Variants in CFDP1 observed in about 807,000 individuals in gnomAD.
CFDP1 encodes heterochromatin-stabilizing protein CFDP1.
A neutral mutation model predicts 40.1 loss-of-function variants in CFDP1; 31 were observed. That is an observed-to-expected ratio of 0.77 (90% CI 0.58 to 1.04). CFDP1 has a LOEUF of 1.04. Ranked by LOEUF, CFDP1 falls within the 50% of genes least tolerant of loss-of-function variation. The probability of loss-of-function intolerance (pLI) is 0.00; values close to 1 mark genes in which losing one functional copy is unlikely to be tolerated. For synonymous variants in CFDP1, 167 were observed against 120.0 expected, an observed-to-expected ratio of 1.39 and a Z score of -2.56; for missense variants, 423 against 343.4, an observed-to-expected ratio of 1.23 and a Z score of -1.83.
At chr16:75,370,629 G>A (rs1259193092) in intron 5 of CFDP1, among the ~76,000 whole-genome samples, 2 of 152,138 alleles carry the variant, frequency 1.3e-5, no homozygotes, top group African/African-American at 4.8e-5. Context: ...TTAGGAGGCT[G>A]AGGAGGGCGG....
chr16:75,390,993 A>G (rs2078944680), intron 5 of CFDP1, among the ~76,000 whole-genome samples: 1 of 152,252 alleles, frequency 6.6e-6, no homozygotes, highest in Non-Finnish European at 1.5e-5. Flanking sequence ...TGCAGATATC[A>G]TCTCAGCAGA....
chr16:75,419,961 G>C (rs538931846), intron 1 of CFDP1, among the ~76,000 whole-genome samples: 1 of 151,482 alleles, frequency 6.6e-6, no homozygotes, highest in Non-Finnish European at 1.5e-5. Flanking sequence ...GATTTCCCTC[G>C]AATTCTTTCT....
At chr16:75,413,510 G>T (rs2079180106) in intron 2 of CFDP1, among the ~76,000 whole-genome samples, 1 of 134,392 alleles carries the variant, frequency 7.4e-6, no homozygotes, top group African/African-American at 2.9e-5. Context: ...CAGAGATCAC[G>T]CCACTGCACT....
chr16:75,358,692 T>C (rs1288262182), intron 5 of CFDP1, among the ~76,000 whole-genome samples: 2 of 152,174 alleles, frequency 1.3e-5, no homozygotes, highest in Admixed American at 1.3e-4. Flanking sequence ...CATACTTAAG[T>C]ATTCGACAGA....
At chr16:75,343,313 TTC>T (rs2078539346) in intron 5 of CFDP1, among the ~76,000 whole-genome samples, 1 of 152,070 alleles carries the variant, frequency 6.6e-6, no homozygotes, top group Non-Finnish European at 1.5e-5. Flanking sequence ...CACATGCATG[TTC>T]TCTCTTGCTG....
rs748081401 is a variant in CFDP1, at chr16:75,346,582, C to CAAAAA, written c.651-41405_651-41401dup. Among the ~76,000 whole-genome samples the CAAAAA allele has an allele frequency of 6.2e-3, 370 of 59,318 alleles. 33 individuals are homozygous for CAAAAA. The highest frequency in any genetic ancestry group is 0.037 in the East Asian group (61 of 1,658). The allele number at this position is 59,318 out of a possible 152,430, so 38.9% of individuals were successfully genotyped here. ...TGGGTGACAGAGCAAGACTCTGTCT[C>CAAAAA]AAAAAAAAAAAAAAAAAAAAAAAAA... On this transcript the variant is annotated intron_variant, in intron 5 of 6. Coordinates refer to ENST00000283882, the MANE Select transcript of CFDP1 (RefSeq NM_006324.3).
At chr16:75,306,506 C>G (rs957060809) in intron 5 of CFDP1, 6 of 152,222 alleles carry the variant, frequency 3.9e-5, no homozygotes, top group African/African-American at 1.4e-4. Flanking sequence ...ATGTCAACTT[C>G]CCTGTTTGGG....
At chr16:75,301,564 TGGTAAAGAGACCGGGTC>T (rs2078222274) in intron 6 of CFDP1, among the ~76,000 whole-genome samples, 1 of 102,218 alleles carries the variant, frequency 9.8e-6, no homozygotes, top group Non-Finnish European at 2.0e-5. Context: ...TTTTTTTTTT[TGGTAAAGAGACCGGGTC>T]TTTCTCTGTT....
At chr16:75,377,303 A>G (rs751492758) in intron 5 of CFDP1, among the ~76,000 whole-genome samples, 1 of 152,252 alleles carries the variant, frequency 6.6e-6, no homozygotes, top group Non-Finnish European at 1.5e-5. Context: ...GAATAGATGA[A>G]TACATGAAGA....
At position 75,426,198 on chromosome 16, in the gene CFDP1, A is replaced by G. The variant is rs574390908; in HGVS notation, c.64+7091T>C. On this transcript the variant is annotated intron_variant, in intron 1 of 6. Coordinates refer to ENST00000283882, the MANE Select transcript of CFDP1 (RefSeq NM_006324.3). ...AAACCCTGTCTCTACTAAAAATACAAAATTAGCCAGGCGTGGTGGCACATG... is the reference window on the plus strand; with the variant it reads ...AAACCCTGTCTCTACTAAAAATACAGAATTAGCCAGGCGTGGTGGCACATG... Among the ~76,000 whole-genome samples, 75 of 151,342 alleles carry G rather than the reference A, an allele frequency of 5.0e-4. No individual in the cohort carries two copies. In the East Asian group the frequency reaches 0.014, roughly 29 times the overall value.
Position 75,395,584 on chromosome 16 carries a change from G to A in CFDP1, c.531-375C>T, listed in dbSNP as rs540579275. 7.2e-5 allele frequency among the ~76,000 whole-genome samples: 11 copies of A among 152,092 alleles called. No homozygotes were observed. In the South Asian group the frequency reaches 8.3e-4, roughly 11 times the overall value. On this transcript the variant is annotated intron_variant, in intron 4 of 6. Transcript: ENST00000283882. ...TGAGGCAGCAGAATCACTTGAACCC[G>A]GGAGGCAGAGGTTGCAGTGAGCCGA...
chr16:75,385,181 ATAT>A (rs1350650127), intron 5 of CFDP1, among the ~76,000 whole-genome samples: 1 of 152,050 alleles, frequency 6.6e-6, no homozygotes, highest in Non-Finnish European at 1.5e-5. Flanking sequence ...TGATTCAAAG[ATAT>A]TATTCCAGGC....
intron 5 of CFDP1, among the ~76,000 whole-genome samples, chr16:75,328,759 A>G (rs1166601918): frequency 6.6e-6 from 1 of 150,894 alleles, no homozygotes; most frequent in Non-Finnish European, 1.5e-5. Flanking sequence ...GCTCAATGCA[A>G]CCTCTGCTTC....
chr16:75,326,022 C>G lies in CFDP1; in HGVS notation c.651-20840G>C, dbSNP rs1262118363. Among the ~76,000 whole-genome samples, 94 of 152,118 alleles carry G rather than the reference C, an allele frequency of 6.2e-4. 1 individual carries two copies. Among genetic ancestry groups the G allele is most frequent in the Non-Finnish European group, 1.5e-5 (1 of 68,030 alleles). On this transcript the variant is annotated intron_variant, in intron 5 of 6. Coordinates refer to ENST00000283882, the MANE Select transcript of CFDP1 (RefSeq NM_006324.3). ...ACAGGGTTTAAGATATCTTAGTTGACAAACAAATAAGGGACAGAATTAAGG... is the reference window on the plus strand; with the variant it reads ...ACAGGGTTTAAGATATCTTAGTTGAGAAACAAATAAGGGACAGAATTAAGG...
At chr16:75,387,961 T>C (rs1252903929) in intron 5 of CFDP1, among the ~76,000 whole-genome samples, 2 of 152,138 alleles carry the variant, frequency 1.3e-5, no homozygotes, top group African/African-American at 4.8e-5. Context: ...AATAACAAAA[T>C]AGCTTTCAAA....
chr16:75,360,969 A>G (rs2151531648), intron 5 of CFDP1, among the ~76,000 whole-genome samples: 1 of 152,210 alleles, frequency 6.6e-6, no homozygotes, highest in Middle Eastern at 3.4e-3. Flanking sequence ...GTTAAGATAC[A>G]TTTTTGGCTA....
At chr16:75,365,746 C>T (rs2078709115) in intron 5 of CFDP1, among the ~76,000 whole-genome samples, 2 of 152,228 alleles carry the variant, frequency 1.3e-5, no homozygotes, top group South Asian at 4.2e-4. Context: ...AGACATACAA[C>T]TCATAATTCA....
At chr16:75,374,999 A>G (rs1454855070) in intron 5 of CFDP1, among the ~76,000 whole-genome samples, 2 of 152,046 alleles carry the variant, frequency 1.3e-5, no homozygotes, top group Non-Finnish European at 2.9e-5. Flanking sequence ...TTTGTCTTCT[A>G]TATCTCTGTG....
Position 75,433,311 on chromosome 16 carries a change from C to G in CFDP1, c.42G>C (p.Glu14Asp), listed in dbSNP as rs746784680. ...FDSEDFSTSE[E>D]DEDYVPSGGE... The stretch of plus-strand genomic sequence containing the variant: ...CACCCGACGGCACGTAGTCCTCGTC[C>G]TCCTCCGACGTAGAGAAGTCTTCGG... The change falls in exon 1 of 7, where the codon GAG becomes GAC. Residue 14 changes from glutamate to aspartate, a missense_variant. By Grantham distance (45) the Glu-to-Asp change is conservative (BLOSUM62 2). Transcript: ENST00000283882. The G allele has an allele frequency of 1.2e-6, 2 of 1,601,404 alleles. No homozygotes were observed. The highest frequency in any genetic ancestry group is 1.7e-6 in the Non-Finnish European group (2 of 1,175,032).
Sources: gnomAD v4.1 joint callset for allele counts (sites outside exome capture counted in the v4.1 genomes callset) on GRCh38, gnomAD v4.1.1 for gene constraint, MANE v1.5 for transcripts, NCBI Gene and HGNC (gene_info 2026-07-23, HGNC 2026-07-21) for gene names.